The following OXR1 variants were observed in gnomAD, a reference collection of about 807,000 sequenced individuals.
The protein encoded by OXR1 is oxidation resistance protein 1.
A neutral mutation model predicts 104.6 loss-of-function variants in OXR1; 41 were observed. That is an observed-to-expected ratio of 0.39 (90% CI 0.31 to 0.51). OXR1 has a LOEUF of 0.51. OXR1 is among the 20% of genes least tolerant of loss of function. The pLI is 0.77. For synonymous variants in OXR1, 348 were observed against 348.4 expected, an observed-to-expected ratio of 1.00 and a Z score of 0.01; for missense variants, 955 against 1,031.9, an observed-to-expected ratio of 0.93 and a Z score of 1.02.
intron 1 of OXR1, among the ~76,000 whole-genome samples, chr8:106,348,545 G>A (rs1029880143): frequency 5.9e-5 from 9 of 151,316 alleles, no homozygotes; most frequent in African/African-American, 2.2e-4. Flanking sequence ...TTTTTTATTG[G>A]GCAATCCACA....
chr8:106,527,112 A>C (rs778746432), intron 3 of OXR1, among the ~76,000 whole-genome samples: 1 of 152,210 alleles, frequency 6.6e-6, no homozygotes, highest in Non-Finnish European at 1.5e-5. Context: ...CTCAAATCCC[A>C]GTATGCCTCT....
At chr8:106,595,967 A>G (rs1819497294) in intron 3 of OXR1, among the ~76,000 whole-genome samples, 1 of 152,202 alleles carries the variant, frequency 6.6e-6, no homozygotes, top group Non-Finnish European at 1.5e-5. Flanking sequence ...AATGAATTCT[A>G]AATATTTCTT....
chr8:106,645,149 T>G (rs1823969645), intron 3 of OXR1, among the ~76,000 whole-genome samples: 1 of 152,200 alleles, frequency 6.6e-6, no homozygotes, highest in African/African-American at 2.4e-5. Flanking sequence ...TGCTTACATA[T>G]CATGCAGTGT....
chr8:106,500,414 C>T (rs1811719831), intron 2 of OXR1, among the ~76,000 whole-genome samples: 1 of 152,200 alleles, frequency 6.6e-6, no homozygotes, highest in Admixed American at 6.5e-5. Flanking sequence ...AAACTCCCTG[C>T]CCTGTTCTGT....
At chr8:106,705,716 A>G (rs1184581537) in intron 8 of OXR1, among the ~76,000 whole-genome samples, 1 of 152,170 alleles carries the variant, frequency 6.6e-6, no homozygotes, top group Non-Finnish European at 1.5e-5. Flanking sequence ...TACAAATGTC[A>G]TTAAATCTGA....
chr8:106,463,785 A>G (rs11987502), intron 2 of OXR1, among the ~76,000 whole-genome samples: 37,763 of 152,024 alleles, frequency 0.25, 6,621 homozygotes, highest in African/African-American at 0.49. Context: ...TGTTACTCAT[A>G]TAAAGTGCTT....
chr8:106,680,859 C>T (rs182646656), intron 4 of OXR1, among the ~76,000 whole-genome samples: 43 of 152,144 alleles, frequency 2.8e-4, no homozygotes, highest in Admixed American at 1.4e-3. Flanking sequence ...TTCTCATTTC[C>T]GTTCCCTTTC....
At chr8:106,343,921 A>G (rs1440895966) in intron 1 of OXR1, among the ~76,000 whole-genome samples, 1 of 152,218 alleles carries the variant, frequency 6.6e-6, no homozygotes, top group African/African-American at 2.4e-5. Flanking sequence ...ACAGCAAATT[A>G]CTGGTGTTTA....
chr8:106,534,492 A>G (rs752024644), intron 3 of OXR1, among the ~76,000 whole-genome samples: 2 of 152,258 alleles, frequency 1.3e-5, no homozygotes, highest in Non-Finnish European at 2.9e-5. Flanking sequence ...AGTAATGGAT[A>G]AAATTGTTTT....
intron 2 of OXR1, among the ~76,000 whole-genome samples, chr8:106,478,891 G>T (rs1821950318): frequency 6.6e-6 from 1 of 151,818 alleles, no homozygotes; most frequent in African/African-American, 2.4e-5. Context: ...ATGTGATTGT[G>T]TGTGTATACT....
intron 2 of OXR1, among the ~76,000 whole-genome samples, chr8:106,381,996 C>A (rs1291330021): frequency 1.3e-5 from 2 of 152,112 alleles, no homozygotes; most frequent in African/African-American, 4.8e-5. Context: ...TTATGAGCAT[C>A]CATCAGATGA....
At chr8:106,547,492 C>CTTTTTTTTTTT (rs60073341) in intron 3 of OXR1, among the ~76,000 whole-genome samples, 3 of 116,584 alleles carry the variant, frequency 2.6e-5, no homozygotes, top group African/African-American at 3.2e-5. Flanking sequence ...TTCTTTCTTT[C>CTTTTTTTTTTT]TTTTTTTTTT....
intron 1 of OXR1, among the ~76,000 whole-genome samples, chr8:106,308,165 A>G: frequency 6.6e-6 from 1 of 152,144 alleles, no homozygotes; most frequent in East Asian, 1.9e-4. Flanking sequence ...AGAGGGCCTG[A>G]GGACCATGGG....
rs562144460 is a variant in OXR1 at position 106,303,563 on chromosome 8, C to CTTCA, written c.-139+33201_-139+33204dup. Among the ~76,000 whole-genome samples, 5 of 152,102 alleles carry CTTCA rather than the reference C, an allele frequency of 3.3e-5. No individual in the cohort carries two copies. In the South Asian group the frequency reaches 1.0e-3, roughly 32 times the overall value. On this transcript the variant is annotated intron_variant, in intron 1 of 16. Transcript: ENST00000517566. ...GGAACTTGGCAATTTGTATACCTTA[C>CTTCA]TTCATTCAATCATTCAAGGAAACCT... is the stretch of plus-strand genomic sequence containing the variant.
chr8:106,444,136 G>A (rs984165030), intron 2 of OXR1, among the ~76,000 whole-genome samples: 22 of 151,912 alleles, frequency 1.4e-4, no homozygotes, highest in Non-Finnish European at 2.6e-4. Flanking sequence ...TCAAAACCAC[G>A]ATGAGATACC....
At chr8:106,429,764 T>G (rs1222475720) in intron 2 of OXR1, among the ~76,000 whole-genome samples, 2 of 152,194 alleles carry the variant, frequency 1.3e-5, no homozygotes, top group Non-Finnish European at 2.9e-5. Flanking sequence ...AATGTTATTT[T>G]TTTTTTCCTC....
intron 2 of OXR1, among the ~76,000 whole-genome samples, chr8:106,497,982 T>A (rs1811528056): frequency 6.6e-6 from 1 of 152,210 alleles, no homozygotes; most frequent in Admixed American, 6.5e-5. Flanking sequence ...ATGGGATTAA[T>A]TAATGTACTT....
chr8:106,734,566 G>A (rs1194553761), intron 11 of OXR1, among the ~76,000 whole-genome samples: 5 of 152,154 alleles, frequency 3.3e-5, no homozygotes, highest in Non-Finnish European at 7.4e-5. Context: ...TAATCTTGGG[G>A]AAACACTGGA....
At chr8:106,409,796 A>C (rs1033162995) in intron 2 of OXR1, among the ~76,000 whole-genome samples, 2 of 152,208 alleles carry the variant, frequency 1.3e-5, no homozygotes, top group Non-Finnish European at 2.9e-5. Flanking sequence ...AAAAATAAGT[A>C]CATATGGCCT....
Sources: gnomAD v4.1 joint callset for allele counts (sites outside exome capture counted in the v4.1 genomes callset) on GRCh38, gnomAD v4.1.1 for gene constraint, MANE v1.5 for transcripts, NCBI Gene and HGNC (gene_info 2026-07-23, HGNC 2026-07-21) for gene names.